Variants in ZBTB41 observed in about 807,000 individuals in gnomAD.
The protein encoded by ZBTB41 is zinc finger and BTB domain-containing protein 41.
ZBTB41 carries 42 observed loss-of-function variants against 87.6 expected under a neutral mutation model. That is an observed-to-expected ratio of 0.48 (90% CI 0.37 to 0.62). ZBTB41 has a LOEUF of 0.62. Ranked by LOEUF, ZBTB41 falls within the 20% of genes least tolerant of loss-of-function variation. ZBTB41 has a pLI of 0.00. For synonymous variants in ZBTB41, 364 were observed against 364.0 expected (o/e 1.00, Z 0.00); for missense variants, 799 against 1,078.9 (o/e 0.74, Z 3.63).
intron 1 of ZBTB41, among the ~76,000 whole-genome samples, chr1:197,200,899 G>A (rs1164563296): frequency 6.6e-6 from 1 of 152,226 alleles, no homozygotes; most frequent in Non-Finnish European, 1.5e-5. Flanking sequence ...GGTTGAGGAG[G>A]CTGAAGTCGT....
In ZBTB41 at chr1:197,155,360, T is replaced by A. The variant is rs924959711; in HGVS notation, c.*3999A>T. On this transcript the variant is annotated 3_prime_UTR_variant, in exon 11 of 11. Transcript: ENST00000367405. ...GCAGGCAACACAATCATAACACCCA[T>A]AACCAAAAAAAAATAAAAATAAAAA... 3 of 147,486 alleles carry A rather than the reference T, an allele frequency of 2.0e-5. No individual in the cohort carries two copies. Among genetic ancestry groups the A allele is most frequent in the Non-Finnish European group, 3.0e-5 (2 of 66,522 alleles). The allele number at this position is 147,486 out of a possible 1,614,324, so 9.1% of individuals were successfully genotyped here.
rs749761060 is a variant in ZBTB41 at position 197,199,919 on chromosome 1, C to T, written c.555G>A (p.Glu185=). The T allele has an allele frequency of 1.9e-6, 3 of 1,612,280 alleles. No individual in the cohort carries two copies. Among genetic ancestry groups the T allele is most frequent in the Non-Finnish European group, 2.5e-6 (3 of 1,179,114 alleles). ...NNENVAPFHS[E]LTEKSSPEET... ...CTTCTGGTGATGACTTTTCAGTTAG[C>T]TCTGAATGAAAAGGGGCAACATTTT... The change falls in exon 2 of 11, where the codon GAG becomes GAA. Residue 185 remains glutamate, a synonymous_variant. Transcript: ENST00000367405.
In ZBTB41 at chr1:197,186,944, T is replaced by C. The variant is rs571439711; in HGVS notation, c.1546+1348A>G. 4.0e-4 allele frequency among the ~76,000 whole-genome samples: 61 copies of C among 152,038 alleles called. No individual in the cohort carries two copies. In the Middle Eastern group the frequency reaches 0.01, roughly 26 times the overall value. On this transcript the variant is annotated intron_variant, in intron 5 of 10. Transcript: ENST00000367405. ...AGACACCACACCAAAGATATACAGA[T>C]GGTAAATAAACATGAAAAGATGCTC...
chr1:197,192,033 AG>A (rs1660050643), intron 2 of ZBTB41, 134 bp from the exon 3 acceptor site: 5 of 611,562 alleles, frequency 8.2e-6, no homozygotes, highest in Non-Finnish European at 9.9e-6. Context: ...ACTAGAAAAA[AG>A]TTTACGTAAA....
chr1:197,168,274 C>T (rs1466440582), intron 10 of ZBTB41, among the ~76,000 whole-genome samples: 1 of 151,948 alleles, frequency 6.6e-6, no homozygotes, highest in African/African-American at 2.4e-5. Context: ...GAGGTGTTCA[C>T]AGACTGGATA....
rs1449750514 is a variant in ZBTB41 at position 197,157,509 on chromosome 1, C to A, written c.*1850G>T. Reference sequence around the variant, plus strand: ...TTTAAAAGTCAATTTGAAAGACTAACAGACTAACAGTACCTCATATAGTCA... The same window carrying A: ...TTTAAAAGTCAATTTGAAAGACTAAAAGACTAACAGTACCTCATATAGTCA... On this transcript the variant is annotated 3_prime_UTR_variant, in exon 11 of 11. Coordinates refer to ENST00000367405, the MANE Select transcript of ZBTB41 (RefSeq NM_194314.3). The A allele has an allele frequency of 1.3e-5, 2 of 151,938 alleles. No individual in the cohort carries two copies. Among genetic ancestry groups the A allele is most frequent in the Non-Finnish European group, 3.0e-5 (2 of 67,688 alleles). 9.4% of individuals were successfully genotyped at this position (151,938 alleles called of 1,614,324 possible). A position where few individuals can be genotyped will look rare whatever the true frequency, so the allele number is the denominator to read the frequency against.
intron 6 of ZBTB41, among the ~76,000 whole-genome samples, chr1:197,178,729 T>A (rs1659672140): frequency 6.6e-6 from 1 of 152,144 alleles, no homozygotes; most frequent in Admixed American, 6.6e-5. Flanking sequence ...CGGCCTCATT[T>A]GCCATTGGTT....
chr1:197,162,011 T>A (rs1177789298), intron 10 of ZBTB41, among the ~76,000 whole-genome samples: 1 of 152,172 alleles, frequency 6.6e-6, no homozygotes, highest in Non-Finnish European at 1.5e-5. Context: ...AGTGCAACGA[T>A]GTTTTTAAAC....
intron 6 of ZBTB41, among the ~76,000 whole-genome samples, chr1:197,179,333 C>T (rs1659685626): frequency 6.6e-6 from 1 of 152,058 alleles, no homozygotes; most frequent in Non-Finnish European, 1.5e-5. Context: ...GGCATCATAG[C>T]ACAATACATT....
At chr1:197,172,046 C>T in intron 10 of ZBTB41, 114 bp downstream of exon 10, 2 of 382,254 alleles carry the variant, frequency 5.2e-6, no homozygotes, top group Non-Finnish European at 9.1e-6. Context: ...TGGGGAAAAC[C>T]AAAGAAATTT....
rs562335448 is a variant in ZBTB41 at position 197,159,177 on chromosome 1, G to A, written c.*182C>T. The A allele has an allele frequency of 1.0e-3, 585 of 580,648 alleles. 2 individuals carry two copies. In the African/African-American group the frequency reaches 0.01, roughly 10 times the overall value. 36.0% of individuals were successfully genotyped at this position (580,648 alleles called of 1,614,324 possible). On this transcript the variant is annotated 3_prime_UTR_variant, in exon 11 of 11. Coordinates refer to ENST00000367405, the MANE Select transcript of ZBTB41 (RefSeq NM_194314.3). The stretch of plus-strand genomic sequence containing the variant: ...AATGTGCACTTCAAATATTATGCCA[G>A]AAATTTTGTCCAAATATTCATGTTC...
Position 197,199,703 on chromosome 1 carries a change from C to T in ZBTB41, c.771G>A (p.Arg257=). The change falls in exon 2 of 11, where the codon CGG becomes CGA. Residue 257 remains arginine (R), a synonymous_variant. Coordinates refer to ENST00000367405, the MANE Select transcript of ZBTB41 (RefSeq NM_194314.3). ...SFSARRSKRN[R]KCPVKFDDTS... ...TGTCATCAAACTTAACAGGGCACTTCCGATTCCTTTTTGATCTTCTTGCGG... is the reference window on the plus strand; with the variant it reads ...TGTCATCAAACTTAACAGGGCACTTTCGATTCCTTTTTGATCTTCTTGCGG... The T allele has an allele frequency of 6.2e-7, 1 of 1,613,654 alleles. No individual in the cohort carries two copies. Among genetic ancestry groups the T allele is most frequent in the Non-Finnish European group, 8.5e-7 (1 of 1,179,936 alleles).
chr1:197,176,288 T>C (rs922646383), intron 8 of ZBTB41, among the ~76,000 whole-genome samples: 7 of 152,122 alleles, frequency 4.6e-5, no homozygotes, highest in African/African-American at 7.2e-5. Context: ...CCATGTAATA[T>C]GCAAAATGCA....
chr1:197,184,635 ATT>A (rs1396772959), intron 5 of ZBTB41, among the ~76,000 whole-genome samples: 1 of 152,130 alleles, frequency 6.6e-6, no homozygotes, highest in Non-Finnish European at 1.5e-5. Flanking sequence ...TTAAAACTAC[ATT>A]TGTTTTGTAA....
intron 2 of ZBTB41, among the ~76,000 whole-genome samples, chr1:197,196,878 G>T (rs1432439991): frequency 6.6e-6 from 1 of 152,072 alleles, no homozygotes; most frequent in Non-Finnish European, 1.5e-5. Context: ...TTGAGTCTCA[G>T]CTCAAATACT....
intron 10 of ZBTB41, among the ~76,000 whole-genome samples, chr1:197,161,183 G>A (rs1052581555): frequency 6.6e-6 from 1 of 151,942 alleles, no homozygotes; most frequent in Non-Finnish European, 1.5e-5. Context: ...AGAACTATAC[G>A]GTAATAAATT....
In ZBTB41 at chr1:197,156,245, T is replaced by G. The variant is rs1426224501; in HGVS notation, c.*3114A>C. 4 of 152,026 alleles carry G rather than the reference T, an allele frequency of 2.6e-5. No individual in the cohort carries two copies. Among genetic ancestry groups the G allele is most frequent in the Non-Finnish European group, 3.0e-5 (2 of 67,680 alleles). 9.4% of individuals were successfully genotyped at this position (152,026 alleles called of 1,614,324 possible). ...AAATCCATTATTCTAGGACTTCAAC[T>G]GTGCTTCTTTGGACAAATAGTTATT... On this transcript the variant is annotated 3_prime_UTR_variant, in exon 11 of 11. Coordinates refer to ENST00000367405, the MANE Select transcript of ZBTB41 (RefSeq NM_194314.3).
chr1:197,190,090 TTTTTA>T lies in ZBTB41; in HGVS notation c.1398+667_1398+671del, dbSNP rs532411927. 3.7e-3 allele frequency among the ~76,000 whole-genome samples: 567 copies of T among 152,296 alleles called. 1 individual carries two copies. Among genetic ancestry groups the T allele is most frequent in the African/African-American group, 0.013 (544 of 41,564 alleles). ...TGTGCCACCATGCCCAGCTAATTTTTTTTTATTTTTAGTAGAGATGGGGTTTTGCC... is the reference window on the plus strand; with the variant it reads ...TGTGCCACCATGCCCAGCTAATTTTTTTTTTAGTAGAGATGGGGTTTTGCC... On this transcript the variant is annotated intron_variant, in intron 4 of 10. Coordinates refer to ENST00000367405, the MANE Select transcript of ZBTB41 (RefSeq NM_194314.3).
rs371087341 is a variant in ZBTB41 at position 197,200,109 on chromosome 1, C to G, written c.365G>C (p.Ser122Thr). Residue 122 changes from serine to threonine, a missense_variant, in exon 2 of 11, where the codon AGC becomes ACC. By Grantham distance (58) the Ser-to-Thr change is moderately conservative (BLOSUM62 1). This residue lies in a region of ZBTB41 where 59 missense variants were observed against 120.1 expected (regional missense o/e 0.49). Coordinates refer to ENST00000367405, the MANE Select transcript of ZBTB41 (RefSeq NM_194314.3). ...GTGATCCAGGGTGACAACATCAGTG[C>G]TTGGATTTTTGCTCAAACACGCATG... ...YFHACLSKNP[S>T]TDVVTLDHVT... 6.2e-6 allele frequency: 10 copies of G among 1,613,718 alleles called. No homozygotes were observed. The African/African-American group carries it at 1.2e-4, about 19-fold the overall frequency.
Sources: allele counts gnomAD v4.1 joint callset (sites outside exome capture counted in the v4.1 genomes callset), GRCh38; gene constraint gnomAD v4.1.1; regional missense constraint gnomAD v4.1.1; transcripts MANE v1.5; gene names NCBI Gene and HGNC (gene_info 2026-07-23, HGNC 2026-07-21).